The following PCDH11X variants were observed in gnomAD, a reference collection of about 807,000 sequenced individuals.
PCDH11X encodes protocadherin 11 X-linked.
Under a neutral mutation model 53.3 loss-of-function variants are expected in PCDH11X, and 18 were observed. The observed-to-expected ratio is 0.34, with a 90% CI of 0.23 to 0.50. The LOEUF is 0.50. Among genes scored for constraint, PCDH11X ranks in the 20% least tolerant of loss-of-function variants. PCDH11X has a pLI of 0.98. For missense variants in PCDH11X, 570 were observed against 1,032.4 expected (o/e 0.55, Z 6.14); for synonymous variants, 279 against 393.3 (o/e 0.71, Z 3.44).
At chrX:92,061,859 T>C (rs1370312829) in intron 6 of PCDH11X, among the ~76,000 whole-genome samples, 1 of 111,899 alleles carries the variant, frequency 8.9e-6, no homozygotes, top group Admixed American at 9.5e-5. Flanking sequence ...CTGAAGAATG[T>C]CATTGGTAGT....
intron 6 of PCDH11X, among the ~76,000 whole-genome samples, chrX:91,953,847 T>C (rs2061673910): frequency 9.1e-6 from 1 of 110,255 alleles, no homozygotes; most frequent in Admixed American, 9.7e-5. Flanking sequence ...TGAGCCAAGC[T>C]GACATCTACA....
At chrX:91,936,698 A>T (rs1322227718) in intron 6 of PCDH11X, among the ~76,000 whole-genome samples, 3 of 106,018 alleles carry the variant, frequency 2.8e-5, no homozygotes, top group Non-Finnish European at 3.9e-5. Context: ...GAAAGGGATT[A>T]TTTAAGTTTA....
rs148599064 is a variant in PCDH11X, at chrX:91,924,946, T to C, written c.3033+45673T>C. ...ATCCAATTTTCACGGAAATGGACCA[T>C]TGAAGCTCAACTTGAAAGCAACATA... On this transcript the variant is annotated intron_variant, in intron 6 of 10. Coordinates refer to ENST00000682573, the MANE Select transcript of PCDH11X (RefSeq NM_032968.5). Among the ~76,000 whole-genome samples the C allele has an allele frequency of 2.8e-3, 303 of 109,975 alleles. 3 individuals carry two copies. In the East Asian group the frequency reaches 0.082, roughly 30 times the overall value.
intron 8 of PCDH11X, among the ~76,000 whole-genome samples, chrX:92,280,658 A>G (rs982939183): frequency 1.8e-5 from 2 of 111,260 alleles, no homozygotes; most frequent in Non-Finnish European, 3.8e-5. Flanking sequence ...ATTATGTCCC[A>G]AATTAAATGA....
At chrX:92,112,688 G>A (rs548754781) in intron 6 of PCDH11X, among the ~76,000 whole-genome samples, 2,639 of 109,046 alleles carry the variant, frequency 0.024, 238 homozygotes, top group African/African-American at 0.087. Context: ...GAGGCTCCTA[G>A]TAATGAGTTT....
intron 6 of PCDH11X, among the ~76,000 whole-genome samples, chrX:91,931,161 G>A (rs1226744824): frequency 3.0e-5 from 3 of 101,557 alleles, no homozygotes; most frequent in African/African-American, 7.7e-5. Flanking sequence ...TGTGTGTGTC[G>A]TGTGCGTGTG....
chrX:91,805,577 G>T (rs192967247), intron 1 of PCDH11X, among the ~76,000 whole-genome samples: 1 of 111,166 alleles, frequency 9.0e-6, no homozygotes, highest in East Asian at 2.8e-4. Flanking sequence ...TACTTTGGGA[G>T]GCCAAAGCAG....
intron 10 of PCDH11X, among the ~76,000 whole-genome samples, chrX:92,548,581 C>T (rs1260898217): frequency 1.8e-5 from 2 of 110,447 alleles, no homozygotes; most frequent in Non-Finnish European, 3.8e-5. Context: ...GAGTTAATTT[C>T]GGTTAACACT....
Position 92,621,780 on chromosome X carries a change from C to T in PCDH11X, c.*2840C>T, listed in dbSNP as rs984991035. On this transcript the variant is annotated 3_prime_UTR_variant, in exon 11 of 11. Transcript: ENST00000682573. ...ACTGCAAAACGTCTTACTGAACCAA[C>T]AATCAAAAAATGGTTCTGTTTTAAA... 9.0e-6 allele frequency: 1 copy of T among 111,553 alleles called. No homozygotes were observed. The highest frequency in any genetic ancestry group is 1.9e-5 in the Non-Finnish European group (1 of 53,123). 9.2% of individuals were successfully genotyped at this position (111,553 alleles called of 1,213,427 possible). A position where few individuals can be genotyped will look rare whatever the true frequency, so the allele number is the denominator to read the frequency against.
At chrX:91,940,272 G>C (rs2266174) in intron 6 of PCDH11X, among the ~76,000 whole-genome samples, 1 of 111,202 alleles carries the variant, frequency 9.0e-6, no homozygotes, top group South Asian at 3.8e-4. Context: ...CTGCAGAACC[G>C]TAAGCCAATT....
rs371222657 is a variant in PCDH11X at position 92,258,002 on chromosome X, C to T, written c.3115-5112C>T. ...GCAGGCTTCTTCCTGGAAATCCAGG[C>T]TTTTCCATATGCCCTCTAAAATTCT... On this transcript the variant is annotated intron_variant, in intron 7 of 10. Coordinates refer to ENST00000682573, the MANE Select transcript of PCDH11X (RefSeq NM_032968.5). Among the ~76,000 whole-genome samples the T allele has an allele frequency of 2.7e-5, 3 of 112,439 alleles. No individual in the cohort carries two copies. In the East Asian group the frequency reaches 8.4e-4, roughly 32 times the overall value.
intron 7 of PCDH11X, among the ~76,000 whole-genome samples, chrX:92,237,190 T>G (rs2148379189): frequency 9.0e-6 from 1 of 111,046 alleles, no homozygotes; most frequent in East Asian, 2.8e-4. Context: ...TTTATTAATA[T>G]AGCAAAATAT....
At chrX:92,166,952 T>C (rs2065742719) in intron 6 of PCDH11X, among the ~76,000 whole-genome samples, 1 of 110,650 alleles carries the variant, frequency 9.0e-6, no homozygotes, top group African/African-American at 3.3e-5. Context: ...TGAATGACAA[T>C]AGGAAATGTC....
At chrX:92,376,919 A>C (rs906665183) in intron 8 of PCDH11X, among the ~76,000 whole-genome samples, 47 of 111,769 alleles carry the variant, frequency 4.2e-4, no homozygotes, top group African/African-American at 1.5e-3. Context: ...ATTTACATTA[A>C]CATTTGGAAA....
chrX:92,202,525 G>A (rs2066407702), intron 7 of PCDH11X, among the ~76,000 whole-genome samples: 1 of 111,059 alleles, frequency 9.0e-6, no homozygotes, highest in South Asian at 3.8e-4. Flanking sequence ...GACATTCCTG[G>A]GGGAGAAGCA....
chrX:92,585,379 T>C (rs1294302907), intron 10 of PCDH11X, among the ~76,000 whole-genome samples: 6 of 105,965 alleles, frequency 5.7e-5, no homozygotes, highest in East Asian at 3.0e-4. Flanking sequence ...TTTTCTTTTT[T>C]TTTTTTTTTT....
chrX:92,348,746 G>T (rs1246980662), intron 8 of PCDH11X, among the ~76,000 whole-genome samples: 17 of 108,068 alleles, frequency 1.6e-4, no homozygotes, highest in African/African-American at 5.7e-4. Flanking sequence ...ATATTGGTCA[G>T]GTTGGTCTCG....
intron 6 of PCDH11X, among the ~76,000 whole-genome samples, chrX:92,015,557 T>A (rs867177906): frequency 8.9e-6 from 1 of 112,631 alleles, no homozygotes; most frequent in South Asian, 3.6e-4. Context: ...GTTCACCGCA[T>A]CTTCACCAGA....
rs2524561 is a variant in PCDH11X at position 91,901,215 on chromosome X, G to A, written c.3033+21942G>A. ...GACTGGGATATAACAGGCACTTGAT[G>A]AGCATTATGCCCCTTCTTCACCAGT... On this transcript the variant is annotated intron_variant, in intron 6 of 10. Coordinates refer to ENST00000682573, the MANE Select transcript of PCDH11X (RefSeq NM_032968.5). Among the ~76,000 whole-genome samples the A allele has an allele frequency of 6.6e-3, 734 of 111,598 alleles. 8 individuals carry two copies. Among genetic ancestry groups the A allele is most frequent in the African/African-American group, 0.023 (694 of 30,685 alleles).
Sources: allele counts gnomAD v4.1 joint callset (sites outside exome capture counted in the v4.1 genomes callset), GRCh38; gene constraint gnomAD v4.1.1; transcripts MANE v1.5; gene names NCBI Gene and HGNC (gene_info 2026-07-23, HGNC 2026-07-21).